The following PRAM1 variants were observed in gnomAD, a reference collection of about 807,000 sequenced individuals.
PRAM1 encodes PML-RARA-regulated adapter molecule 1.
PRAM1 carries 41 observed loss-of-function variants against 55.3 expected under a neutral mutation model. The observed-to-expected ratio is 0.74, with a 90% CI of 0.58 to 0.96. The LOEUF is 0.96. Among genes scored for constraint, PRAM1 ranks in the 40% least tolerant of loss-of-function variants. The pLI is 0.00. For missense variants in PRAM1, 898 were observed against 892.7 expected, an observed-to-expected ratio of 1.01 and a Z score of -0.08; for synonymous variants, 401 against 387.1, an observed-to-expected ratio of 1.04 and a Z score of -0.42.
In PRAM1 at chr19:8,493,773, G is replaced by C. The variant is rs1971660927; in HGVS notation, c.1577-2616C>G. Among the ~76,000 whole-genome samples, 1 of 152,152 alleles carries C rather than the reference G, an allele frequency of 6.6e-6. No individual in the cohort carries two copies. Among genetic ancestry groups the C allele is most frequent in the Admixed American group, 6.5e-5 (1 of 15,272 alleles). ...AGCCCACGCCACTCCTGAGAAGCGGGAGATCCAGGGAAGTGGGACCTTTTT... is the reference window on the plus strand; with the variant it reads ...AGCCCACGCCACTCCTGAGAAGCGGCAGATCCAGGGAAGTGGGACCTTTTT... On this transcript the variant is annotated intron_variant, in intron 4 of 9. Coordinates refer to ENST00000423345, the MANE Select transcript of PRAM1 (RefSeq NM_032152.5). This position sits in a 1 kb window ranked among gnomAD's most constrained non-coding sequence, Gnocchi z 4.1.
chr19:8,491,512 C>T (rs1399192752), intron 4 of PRAM1: 3 of 366,392 alleles, frequency 8.2e-6, no homozygotes, highest in Non-Finnish European at 1.5e-5. Context: ...GGATTACAGG[C>T]GTGAGCCACT....
chr19:8,498,707 C>G lies in PRAM1; in HGVS notation c.1101G>C (p.Lys367Asn). 1 of 1,598,176 alleles carries G rather than the reference C, an allele frequency of 6.3e-7. No homozygotes were observed. Among genetic ancestry groups the G allele is most frequent in the Admixed American group, 1.8e-5 (1 of 56,920 alleles). Residue 367 changes from lysine to asparagine, a missense_variant, in exon 2 of 10, where the codon AAG becomes AAC. Coordinates refer to ENST00000423345, the MANE Select transcript of PRAM1 (RefSeq NM_032152.5). Reference sequence around the variant, plus strand: ...CGAAGAACTCAGGCTGCGGGTGTCTCTTGAGGACAGCGCTGGGCTCAGGCT... The same window carrying G: ...CGAAGAACTCAGGCTGCGGGTGTCTGTTGAGGACAGCGCTGGGCTCAGGCT... The part of the protein sequence containing the change: ...FSQPEPSAVL[K>N]RHPQPEFFGD...
rs1376378187 is a variant in PRAM1, at chr19:8,498,698, C to A, written c.1110G>T (p.Pro370=). ...GGAGATCACCGAAGAACTCAGGCTGCGGGTGTCTCTTGAGGACAGCGCTGG... is the reference window on the plus strand; with the variant it reads ...GGAGATCACCGAAGAACTCAGGCTGAGGGTGTCTCTTGAGGACAGCGCTGG... ...PEPSAVLKRH[P]QPEFFGDLPR... is the part of the protein sequence containing the mutation. Residue 370 remains proline, a synonymous_variant, in exon 2 of 10, where the codon CCG becomes CCT. Transcript: ENST00000423345. 5.6e-6 allele frequency: 9 copies of A among 1,601,920 alleles called. No homozygotes were observed. Among genetic ancestry groups the A allele is most frequent in the Admixed American group, 1.7e-5 (1 of 57,690 alleles).
chr19:8,500,815 G>T (rs566029141), intron 1 of PRAM1, among the ~76,000 whole-genome samples: 1 of 152,222 alleles, frequency 6.6e-6, no homozygotes, highest in South Asian at 2.1e-4. Context: ...ACCCAGACTG[G>T]AGTGCAATGG....
rs138042924 is a variant in PRAM1 at position 8,498,649 on chromosome 19, A to G, written c.1159T>C (p.Ser387Pro). 6,584 of 1,611,596 alleles carry G rather than the reference A, an allele frequency of 4.1e-3. 16 individuals carry two copies. Among genetic ancestry groups the G allele is most frequent in the Non-Finnish European group, 5.0e-3 (5,897 of 1,179,192 alleles). Residue 387 changes from serine to proline, a missense_variant, in exon 2 of 10, where the codon TCC (serine) becomes CCC (proline). Transcript: ENST00000423345. ...DLPRKPPLPSSASESSLPAAV... is the reference protein window; with the variant it reads ...DLPRKPPLPSPASESSLPAAV... ...GCAGGCAGTGAGCTCTCGGAAGCGG[A>G]GCTGGGGAGTGGAGGCTTTCGAGGG... is the stretch of plus-strand genomic sequence containing the variant.
chr19:8,497,827 T>G lies in PRAM1; in HGVS notation c.1513A>C (p.Ile505Leu). 1 of 1,609,620 alleles carries G rather than the reference T, an allele frequency of 6.2e-7. No homozygotes were observed. Among genetic ancestry groups the G allele is most frequent in the East Asian group, 2.2e-5 (1 of 44,818 alleles). Residue 505 changes from isoleucine to leucine, a missense_variant, in exon 4 of 10, where the codon ATC becomes CTC. By Grantham distance (5) the Ile-to-Leu change is conservative (BLOSUM62 2). This residue lies in a region of PRAM1 where 787 missense variants were observed against 735.4 expected (regional missense o/e 1.07). Coordinates refer to ENST00000423345, the MANE Select transcript of PRAM1 (RefSeq NM_032152.5). ...TCCACATCGTCATACAGCTCGTAGA[T>G]CTCATCTGGGACCCTGCGGGGATAC... ...PEDIPQVPDEIYELYDDVEPR... is the reference protein window; with the variant it reads ...PEDIPQVPDELYELYDDVEPR...
chr19:8,495,065 G>A lies in PRAM1; in HGVS notation c.1576+2699C>T, dbSNP rs369271238. Among the ~76,000 whole-genome samples the A allele has an allele frequency of 3.0e-4, 46 of 151,478 alleles. No homozygotes were observed. The East Asian group carries it at 5.7e-3, about 19-fold the overall frequency. ...AGGAATTCTCCCACCTCAGCCTTCC[G>A]AATAGCTGGGATGACAGGTGCATGC... On this transcript the variant is annotated intron_variant, in intron 4 of 9. Coordinates refer to ENST00000423345, the MANE Select transcript of PRAM1 (RefSeq NM_032152.5).
chr19:8,492,928 T>C (rs976940390), intron 4 of PRAM1, among the ~76,000 whole-genome samples: 1 of 152,084 alleles, frequency 6.6e-6, no homozygotes, highest in African/African-American at 2.4e-5. Flanking sequence ...ACCTGGGAGC[T>C]GGAGGTTGCA....
chr19:8,498,557 G>C lies in PRAM1; in HGVS notation c.1251C>G (p.Arg417=). The C allele has an allele frequency of 3.1e-6, 5 of 1,611,662 alleles. No individual in the cohort carries two copies. The highest frequency in any genetic ancestry group is 4.2e-6 in the Non-Finnish European group (5 of 1,179,250). Residue 417 remains arginine (R), a synonymous_variant, in exon 2 of 10, where the codon CGC becomes CGG. Coordinates refer to ENST00000423345, the MANE Select transcript of PRAM1 (RefSeq NM_032152.5). Reference sequence around the variant, plus strand: ...TGTGAACCAGGCCTCCTGACCTCCAGCGGGGTGTCCCAGCCGCTCCAAACC... The same window carrying C: ...TGTGAACCAGGCCTCCTGACCTCCACCGGGGTGTCCCAGCCGCTCCAAACC... ...SPGFGAAGTP[R]WRSGGLVHSG...
Position 8,498,635 on chromosome 19 carries a change from G to A in PRAM1, c.1173C>T (p.Ser391=). 1 of 1,612,260 alleles carries A rather than the reference G, an allele frequency of 6.2e-7. No individual in the cohort carries two copies. The highest frequency in any genetic ancestry group is 8.5e-7 in the Non-Finnish European group (1 of 1,179,520). Residue 391 remains serine, a synonymous_variant, in exon 2 of 10, where the codon AGC becomes AGT. Transcript: ENST00000423345. ...KPPLPSSASE[S]SLPAAVAGFS... is the part of the protein sequence containing the mutation. ...AGCCGGCCACGGCCGCAGGCAGTGAGCTCTCGGAAGCGGAGCTGGGGAGTG... is the reference window on the plus strand; with the variant it reads ...AGCCGGCCACGGCCGCAGGCAGTGAACTCTCGGAAGCGGAGCTGGGGAGTG...
rs1338861732 is a variant in PRAM1, at chr19:8,490,069, G to A, written c.*120C>T. 4.1e-6 allele frequency: 4 copies of A among 981,868 alleles called. No homozygotes were observed. The highest frequency in any genetic ancestry group is 2.6e-5 in the East Asian group (1 of 37,936). The allele number at this position is 981,868 out of a possible 1,614,324, so 60.8% of individuals were successfully genotyped here. On this transcript the variant is annotated 3_prime_UTR_variant, in exon 10 of 10. Coordinates refer to ENST00000423345, the MANE Select transcript of PRAM1 (RefSeq NM_032152.5). This position sits in a 1 kb window ranked among gnomAD's most constrained non-coding sequence, Gnocchi z 7.3. ...AGAAGCAGGGACTGCTTTAAACTGG[G>A]GCTTTATGTGGCCAGGTACAAGCCC... is the stretch of plus-strand genomic sequence containing the variant.
At chr19:8,502,511 A>T in intron 1 of PRAM1, 54 bp downstream of exon 1, 1 of 1,278,684 alleles carries the variant, frequency 7.8e-7, no homozygotes, top group Non-Finnish European at 1.1e-6. Context: ...TTCTGGGAAC[A>T]TCTGTGTCCC....
intron 1 of PRAM1, among the ~76,000 whole-genome samples, chr19:8,500,818 T>A (rs1242786402): frequency 6.6e-6 from 1 of 152,174 alleles, no homozygotes; most frequent in Non-Finnish European, 1.5e-5. Context: ...CAGACTGGAG[T>A]GCAATGGCGC....
At chr19:8,492,702 A>T (rs941671267) in intron 4 of PRAM1, among the ~76,000 whole-genome samples, 2 of 152,166 alleles carry the variant, frequency 1.3e-5, no homozygotes, top group African/African-American at 2.4e-5. Flanking sequence ...GATAGTTGAC[A>T]GTAAAATATC....
Position 8,490,191 on chromosome 19 carries a change from A to G in PRAM1, c.2011T>C (p.Ter671GlnextTer3). Reference protein sequence around the residue: ...LENQPLPLGR* With the variant: ...LENQPLPLGRQ The stretch of plus-strand genomic sequence containing the variant: ...TCCTGGCCCCACGCCTACCGGTCTT[A>G]CCGTCCCAGGGGGAGTGGTTGGTTT... The change falls in exon 10 of 10, where the codon TAA becomes CAA. Residue 671 changes from the stop codon to glutamine (Q), a stop_lost. Coordinates refer to ENST00000423345, the MANE Select transcript of PRAM1 (RefSeq NM_032152.5). This position sits in a 1 kb window ranked among gnomAD's most constrained non-coding sequence, Gnocchi z 7.3. 1 of 1,579,612 alleles carries G rather than the reference A, an allele frequency of 6.3e-7. No individual in the cohort carries two copies.
rs763399371 is a variant in PRAM1, at chr19:8,502,637, C to G, written c.-46G>C. 6.5e-7 allele frequency: 1 copy of G among 1,528,486 alleles called. No homozygotes were observed. The highest frequency in any genetic ancestry group is 1.2e-5 in the South Asian group (1 of 83,350). 94.7% of individuals were successfully genotyped at this position (1,528,486 alleles called of 1,614,324 possible). On this transcript the variant is annotated 5_prime_UTR_variant, in exon 1 of 10. Transcript: ENST00000423345. ...TGGGGCCGCTGCCTTCAGGAAGTGA[C>G]TGTGGCTTCTGCTCCACGGTCAGCA...
At position 8,498,434 on chromosome 19, in the gene PRAM1, CG is replaced by C. The variant is rs1971733741; in HGVS notation, c.1373del (p.Pro458ArgfsTer20). The part of the protein sequence containing the change: ...SSLGHPPAKP[P>X]LPPGPVDMQS... Reference sequence around the variant, plus strand: ...GCATATCCACGGGCCCCGGGGGCAGCGGGGGCTTGGCTGGAGGGTGTCCCAG... The same window carrying C: ...GCATATCCACGGGCCCCGGGGGCAGCGGGGCTTGGCTGGAGGGTGTCCCAG... On this transcript the variant is annotated frameshift_variant, in exon 2 of 10. Coordinates refer to ENST00000423345, the MANE Select transcript of PRAM1 (RefSeq NM_032152.5). LOFTEE classifies it high-confidence loss of function. 1.3e-6 allele frequency: 2 copies of C among 1,578,588 alleles called. No homozygotes were observed. The highest frequency in any genetic ancestry group is 1.7e-6 in the Non-Finnish European group (2 of 1,161,782).
At chr19:8,495,044 A>G (rs1227009507) in intron 4 of PRAM1, among the ~76,000 whole-genome samples, 1 of 151,530 alleles carries the variant, frequency 6.6e-6, no homozygotes, top group Non-Finnish European at 1.5e-5. Context: ...GGTTCAAGGA[A>G]TTCTCCCACC....
chr19:8,490,436 C>T lies in PRAM1; in HGVS notation c.1940+40G>A, dbSNP rs1427488535. ...CCCATTCCCCCCACCCTGCACCACA[C>T]ACCCCGCACTCCCCCACCACGGTCA... On this transcript the variant is annotated intron_variant, in intron 8 of 9. Coordinates refer to ENST00000423345, the MANE Select transcript of PRAM1 (RefSeq NM_032152.5). The surrounding 1 kb of genome is among the most constrained non-coding windows in gnomAD (Gnocchi z 7.3). 1 of 1,613,524 alleles carries T rather than the reference C, an allele frequency of 6.2e-7. No individual in the cohort carries two copies. The highest frequency in any genetic ancestry group is 1.3e-5 in the African/African-American group (1 of 75,026).
Sources: allele counts gnomAD v4.1 joint callset (sites outside exome capture counted in the v4.1 genomes callset), GRCh38; gene constraint gnomAD v4.1.1; regional missense constraint gnomAD v4.1.1; non-coding constraint Gnocchi (gnomAD v3.1); transcripts MANE v1.5; gene names NCBI Gene and HGNC (gene_info 2026-07-23, HGNC 2026-07-21).